LAMB2: variants seen among roughly 807,000 people sequenced by gnomAD.
LAMB2 encodes the protein laminin subunit beta 2.
LAMB2 carries 119 observed loss-of-function variants against 202.7 expected under a neutral mutation model. The observed-to-expected ratio is 0.59, with a 90% confidence interval of 0.51 to 0.68. The LOEUF (loss-of-function observed/expected upper bound fraction) is 0.68. LAMB2 is among the 30% of genes least tolerant of loss of function. The probability of loss-of-function intolerance (pLI) is 0.00; values close to 1 mark genes in which losing one functional copy is unlikely to be tolerated. For missense variants in LAMB2, 2,124 were observed against 2,410.6 expected, an observed-to-expected ratio of 0.88 and a Z score of 2.49; for synonymous variants, 818 against 902.2, an observed-to-expected ratio of 0.91 and a Z score of 1.67.
rs2045478026 is a variant in LAMB2 at position 49,131,202 on chromosome 3, C to T, written c.713-50G>A. 1 of 1,576,124 alleles carries T rather than the reference C, an allele frequency of 6.3e-7. No homozygotes were observed. Among genetic ancestry groups the T allele is most frequent in the Non-Finnish European group, 8.7e-7 (1 of 1,148,896 alleles). ...CTGACCAGGCAGGCCCTTGCTGCCC[C>T]ATGTCCACCCAGGGGCTCAGCTGCC... On this transcript the variant is annotated intron_variant, in intron 6 of 31. Transcript: ENST00000305544. This position sits in a 1 kb window ranked among gnomAD's most constrained non-coding sequence, Gnocchi z 5.0.
In LAMB2 at chr3:49,125,275, T is replaced by C. The variant is rs2045400147; in HGVS notation, c.2698A>G (p.Thr900Ala). Residue 900 changes from threonine (T) to alanine (A), a missense_variant, in exon 19 of 32, where the codon ACA (threonine) becomes GCA (alanine). Coordinates refer to ENST00000305544, the MANE Select transcript of LAMB2 (RefSeq NM_002292.4). ...CACCTTTCACAGTGCTCACCCCCTGTGTGATCACGGCAGCCCAGGCAAGCG... is the reference window on the plus strand; with the variant it reads ...CACCTTTCACAGTGCTCACCCCCTGCGTGATCACGGCAGCCCAGGCAAGCG... ...TGACLGCRDHTGGEHCERCIA... is the reference protein window; with the variant it reads ...TGACLGCRDHAGGEHCERCIA... 3.5e-5 allele frequency: 57 copies of C among 1,613,870 alleles called. No homozygotes were observed. The highest frequency in any genetic ancestry group is 4.5e-5 in the Non-Finnish European group (53 of 1,180,040).
rs762896092 is a variant in LAMB2 at position 49,122,095 on chromosome 3, AGGG to A, written c.4782-13_4782-11del. ...ATCCTCAGCCCAGCTCCTGGGGAGA[AGGG>A]GGAATCAGAACCTGGAGGTATCAAA... On this transcript the variant is annotated splice_polypyrimidine_tract_variant and intron_variant, in intron 28 of 31. Coordinates refer to ENST00000305544, the MANE Select transcript of LAMB2 (RefSeq NM_002292.4). 1.2e-6 allele frequency: 2 copies of A among 1,613,174 alleles called. No individual in the cohort carries two copies. Among genetic ancestry groups the A allele is most frequent in the African/African-American group, 1.3e-5 (1 of 74,916 alleles).
In LAMB2 at chr3:49,122,883, C is replaced by T. The variant is rs749626905; in HGVS notation, c.4394G>A (p.Arg1465Gln). ...GATGCTACCACCTTCTGCCAGTGCC[C>T]GCTGCAGCTCTGCCTGTGTGTGCCG... Reference protein sequence around the residue: ...RARHTQAELQRALAEGGSILS... With the variant: ...RARHTQAELQQALAEGGSILS... The change falls in exon 27 of 32, where the codon CGG becomes CAG. Residue 1465 changes from arginine (R) to glutamine (Q), a missense_variant. This residue lies in a region of LAMB2 where 1,702 missense variants were observed against 1,896.3 expected (regional missense o/e 0.90). Coordinates refer to ENST00000305544, the MANE Select transcript of LAMB2 (RefSeq NM_002292.4). 54 of 1,610,392 alleles carry T rather than the reference C, an allele frequency of 3.4e-5. No individual in the cohort carries two copies. The highest frequency in any genetic ancestry group is 2.1e-4 in the African/African-American group (16 of 74,922).
In LAMB2 at chr3:49,130,544, G is replaced by C; in HGVS notation, c.1037-125C>G. The C allele has an allele frequency of 7.4e-7, 1 of 1,351,128 alleles. No individual in the cohort carries two copies. Among genetic ancestry groups the C allele is most frequent in the Non-Finnish European group, 1.1e-6 (1 of 950,286 alleles). 83.7% of individuals were successfully genotyped at this position (1,351,128 alleles called of 1,614,324 possible). ...TGGGTAGGGGCTCAGGGACTTCAAG[G>C]CCTCAGCATCATACTGGTTCCCTAC... is the stretch of plus-strand genomic sequence containing the variant. On this transcript the variant is annotated intron_variant, in intron 8 of 31. Transcript: ENST00000305544. The surrounding 1 kb of genome is among the most constrained non-coding windows in gnomAD (Gnocchi z 5.0).
intron 18 of LAMB2, 33 bp from the exon 19 acceptor site, chr3:49,125,517 G>C: frequency 6.5e-7 from 1 of 1,542,864 alleles, no homozygotes; most frequent in South Asian, 1.2e-5. Context: ...CCAGAGCCAG[G>C]GGAGGGGGTC....
At position 49,129,855 on chromosome 3, in the gene LAMB2, G is replaced by A; in HGVS notation, c.1389C>T (p.Asp463=). The A allele has an allele frequency of 1.2e-6, 2 of 1,613,860 alleles. No homozygotes were observed. The highest frequency in any genetic ancestry group is 1.7e-6 in the Non-Finnish European group (2 of 1,180,040). Residue 463 remains aspartate, a synonymous_variant, in exon 10 of 32, where the codon GAC becomes GAT. Coordinates refer to ENST00000305544, the MANE Select transcript of LAMB2 (RefSeq NM_002292.4). The surrounding 1 kb of genome is among the most constrained non-coding windows in gnomAD (Gnocchi z 6.1). ...RDGFFGLSIS[D]RLGCRRCQCN... ...GACACATACGCCGGCAGCCCAGACG[G>A]TCACTGATGCTGAGCCCAAAGAAGC...
Position 49,125,474 on chromosome 3 carries a change from G to A in LAMB2, c.2499C>T (p.Cys833=). The A allele has an allele frequency of 8.1e-6, 13 of 1,596,428 alleles. No homozygotes were observed. Among genetic ancestry groups the A allele is most frequent in the Non-Finnish European group, 1.1e-5 (13 of 1,171,606 alleles). ...GACTGCTGAGTGCCCCCTCGTGGCT[G>A]CACTGGCAGGCTAGGAGCAAGGCAG... ...FGPTGCQACQ[C]SHEGALSSLC... is the part of the protein sequence containing the mutation. Residue 833 remains cysteine (C), a synonymous_variant, in exon 19 of 32, where the codon TGC becomes TGT. Coordinates refer to ENST00000305544, the MANE Select transcript of LAMB2 (RefSeq NM_002292.4).
rs750544505 is a variant in LAMB2 at position 49,122,326 on chromosome 3, C to A, written c.4618G>T (p.Val1540Leu). The A allele has an allele frequency of 1.2e-6, 2 of 1,613,300 alleles. No homozygotes were observed. The highest frequency in any genetic ancestry group is 2.7e-5 in the African/African-American group (2 of 74,934). ...GAAGCTGGGATGGAGAGCTCTAGCA[C>A]CCGTGTGGCCACCATTTCAATGCTA... ...PDSIEMVATR[V>L]LELSIPASAE... The change falls in exon 28 of 32, where the codon GTG becomes TTG. Residue 1540 changes from valine (V) to leucine (L), a missense_variant. Coordinates refer to ENST00000305544, the MANE Select transcript of LAMB2 (RefSeq NM_002292.4).
chr3:49,122,399 CAT>C (rs774134724), intron 27 of LAMB2, 29 bp from the exon 28 acceptor site: 2 of 1,600,038 alleles, frequency 1.2e-6, no homozygotes, highest in Non-Finnish European at 1.7e-6. Flanking sequence ...AACTTAAGAA[CAT>C]AGATTCTCCA....
Position 49,131,486 on chromosome 3 carries a change from G to A in LAMB2, c.649-44C>T. Reference sequence around the variant, plus strand: ...CATAGTCACACTGGACCTTGCCTCAGGCCCATCATCCCCAGCTTCCAGCCC... The same window carrying A: ...CATAGTCACACTGGACCTTGCCTCAAGCCCATCATCCCCAGCTTCCAGCCC... On this transcript the variant is annotated intron_variant, in intron 5 of 31. Coordinates refer to ENST00000305544, the MANE Select transcript of LAMB2 (RefSeq NM_002292.4). This position sits in a 1 kb window ranked among gnomAD's most constrained non-coding sequence, Gnocchi z 5.0. 1 of 1,613,874 alleles carries A rather than the reference G, an allele frequency of 6.2e-7. No individual in the cohort carries two copies. Among genetic ancestry groups the A allele is most frequent in the East Asian group, 2.2e-5 (1 of 44,872 alleles).
Position 49,132,509 on chromosome 3 carries a change from G to C in LAMB2, c.231C>G (p.Cys77Trp). ...TCGLNGPQPY[C>W]IVSHLQDEKK... is the part of the protein sequence containing the mutation. ...GCCACACCTGCAGGTGACTGACGAT[G>C]CAGTAGGGCTGGGGGCCATTCAGGC... The change falls in exon 2 of 32, where the codon TGC (cysteine) becomes TGG (tryptophan). Residue 77 changes from cysteine to tryptophan, a missense_variant. Physicochemically the swap from Cys to Trp is radical, Grantham distance 215 (BLOSUM62 -2). Around this residue, in one of 3 missense-constraint regions of LAMB2, gnomAD observed 166 missense variants for 158.2 expected, o/e 1.05. Transcript: ENST00000305544. The surrounding 1 kb of genome is among the most constrained non-coding windows in gnomAD (Gnocchi z 4.6). 6.2e-7 allele frequency: 1 copy of C among 1,613,908 alleles called. No homozygotes were observed. The highest frequency in any genetic ancestry group is 8.5e-7 in the Non-Finnish European group (1 of 1,180,022).
Position 49,133,050 on chromosome 3 carries a change from C to T in LAMB2, c.-183G>A. On this transcript the variant is annotated 5_prime_UTR_variant, in exon 1 of 32. Coordinates refer to ENST00000305544, the MANE Select transcript of LAMB2 (RefSeq NM_002292.4). ...CAGCTTAGAGTCCAGCGACTTTGAGCAAAGTTGGGAATCGCGGCAGGAAGG... is the reference window on the plus strand; with the variant it reads ...CAGCTTAGAGTCCAGCGACTTTGAGTAAAGTTGGGAATCGCGGCAGGAAGG... The T allele has an allele frequency of 6.5e-6, 4 of 614,374 alleles. No individual in the cohort carries two copies. Among genetic ancestry groups the T allele is most frequent in the Non-Finnish European group, 8.7e-6 (3 of 343,232 alleles). 38.1% of individuals were successfully genotyped at this position (614,374 alleles called of 1,614,324 possible).
rs751567734 is a variant in LAMB2 at position 49,121,868 on chromosome 3, G to A, written c.4924-8C>T. On this transcript the variant is annotated splice_polypyrimidine_tract_variant and splice_region_variant and intron_variant, in intron 29 of 31. Transcript: ENST00000305544. ...TGCCATCCTCTCCTGTACCTGCCATGGGTGAGCCAAAGGTTACACAGATCT... is the reference window on the plus strand; with the variant it reads ...TGCCATCCTCTCCTGTACCTGCCATAGGTGAGCCAAAGGTTACACAGATCT... 1 of 1,613,264 alleles carries A rather than the reference G, an allele frequency of 6.2e-7. No individual in the cohort carries two copies. Among genetic ancestry groups the A allele is most frequent in the African/African-American group, 1.3e-5 (1 of 75,018 alleles).
In LAMB2 at chr3:49,131,256, C is replaced by T; in HGVS notation, c.713-104G>A. The T allele has an allele frequency of 6.8e-7, 1 of 1,461,746 alleles. No individual in the cohort carries two copies. Among genetic ancestry groups the T allele is most frequent in the Non-Finnish European group, 9.5e-7 (1 of 1,053,480 alleles). The allele number at this position is 1,461,746 out of a possible 1,614,324, so 90.5% of individuals were successfully genotyped here. ...GTCACCTTGAAAGACCTCCTATACA[C>T]TGCCACCCGAGCTAAACTGGGCTTG... On this transcript the variant is annotated intron_variant, in intron 6 of 31. Coordinates refer to ENST00000305544, the MANE Select transcript of LAMB2 (RefSeq NM_002292.4). This position sits in a 1 kb window ranked among gnomAD's most constrained non-coding sequence, Gnocchi z 5.0.
rs2045447567 is a variant in LAMB2, at chr3:49,128,643, T to C, written c.1890+18A>G. ...CACACCCAGAGGTTCAGCCCCAGATTAGATAACAGGGTCTAACCTGGGGCT... is the reference window on the plus strand; with the variant it reads ...CACACCCAGAGGTTCAGCCCCAGATCAGATAACAGGGTCTAACCTGGGGCT... On this transcript the variant is annotated intron_variant, in intron 14 of 31. Coordinates refer to ENST00000305544, the MANE Select transcript of LAMB2 (RefSeq NM_002292.4). 1.2e-6 allele frequency: 2 copies of C among 1,614,174 alleles called. No homozygotes were observed. The highest frequency in any genetic ancestry group is 1.7e-6 in the Non-Finnish European group (2 of 1,180,018).
intron 15 of LAMB2, among the ~76,000 whole-genome samples, chr3:49,128,018 CAA>C (rs1156873652): frequency 1.2e-4 from 4 of 32,880 alleles, no homozygotes; most frequent in East Asian, 8.3e-4. Flanking sequence ...GACTCCGTCT[CAA>C]AAAAAAAAAA....
chr3:49,128,859 G>C lies in LAMB2; in HGVS notation c.1732-40C>G, dbSNP rs776928323. On this transcript the variant is annotated intron_variant, in intron 13 of 31. Transcript: ENST00000305544. ...AGCCAGGGATGGAGGCTCAGGTGAG[G>C]CTTTGCCTCTTCTGCCACAGCCAGC... 13 of 1,606,152 alleles carry C rather than the reference G, an allele frequency of 8.1e-6. No homozygotes were observed. The South Asian group carries it at 1.2e-4, about 15-fold the overall frequency.
chr3:49,123,603 G>C lies in LAMB2; in HGVS notation c.3826C>G (p.Leu1276Val). The change falls in exon 25 of 32, where the codon CTG becomes GTG. Residue 1276 changes from leucine to valine, a missense_variant. Coordinates refer to ENST00000305544, the MANE Select transcript of LAMB2 (RefSeq NM_002292.4). ...RREIGEATEHLTQLEADLTDV... is the reference protein window; with the variant it reads ...RREIGEATEHVTQLEADLTDV... Reference sequence around the variant, plus strand: ...GTCAGGTCTGCCTCGAGCTGAGTCAGGTGCTCAGTGGCCTCCCCAATTTCA... The same window carrying C: ...GTCAGGTCTGCCTCGAGCTGAGTCACGTGCTCAGTGGCCTCCCCAATTTCA... 6.2e-7 allele frequency: 1 copy of C among 1,614,162 alleles called. No homozygotes were observed.
chr3:49,132,979 T>A lies in LAMB2; in HGVS notation c.-112A>T, dbSNP rs546461860. 1,026 of 910,402 alleles carry A rather than the reference T, an allele frequency of 1.1e-3. 2 individuals are homozygous for A. The highest frequency in any genetic ancestry group is 1.6e-3 in the Non-Finnish European group (886 of 559,958). The allele number at this position is 910,402 out of a possible 1,614,324, so 56.4% of individuals were successfully genotyped here. A position where few individuals can be genotyped will look rare whatever the true frequency, so the allele number is the denominator to read the frequency against. On this transcript the variant is annotated 5_prime_UTR_variant, in exon 1 of 32. Coordinates refer to ENST00000305544, the MANE Select transcript of LAMB2 (RefSeq NM_002292.4). This position sits in a 1 kb window ranked among gnomAD's most constrained non-coding sequence, Gnocchi z 4.6. ...CCTGTGGGTCTTTGGCCTGTTTCCC[T>A]CCAGGCCCTCTGTCAGTTCCCAGGT...
Sources: gnomAD v4.1 joint callset for allele counts (sites outside exome capture counted in the v4.1 genomes callset) on GRCh38, gnomAD v4.1.1 for gene constraint, gnomAD v4.1.1 regional missense constraint, Gnocchi (gnomAD v3.1) non-coding constraint, MANE v1.5 for transcripts, NCBI Gene and HGNC (gene_info 2026-07-23, HGNC 2026-07-21) for gene names.